AFG1L: variants seen among roughly 807,000 people sequenced by gnomAD.
AFG1L encodes the protein AFG1 like ATPase.
A neutral mutation model predicts 62.2 loss-of-function variants in AFG1L; 53 were observed. The observed-to-expected ratio is 0.85, with a 90% CI of 0.68 to 1.07. The LOEUF is 1.07. Ranked by LOEUF, AFG1L falls within the 50% of genes least tolerant of loss-of-function variation. AFG1L has a pLI of 0.00. For synonymous variants in AFG1L, 228 were observed against 210.3 expected (o/e 1.08, Z -0.73); for missense variants, 555 against 590.5 (o/e 0.94, Z 0.62).
At chr6:108,390,003 T>A (rs1780975614) in intron 6 of AFG1L, among the ~76,000 whole-genome samples, 1 of 152,252 alleles carries the variant, frequency 6.6e-6, no homozygotes, top group African/African-American at 2.4e-5. Context: ...TCCCTTTCAC[T>A]TTCAGGTACA....
At chr6:108,500,149 G>T (rs1009269048) in intron 10 of AFG1L, among the ~76,000 whole-genome samples, 1 of 149,044 alleles carries the variant, frequency 6.7e-6, no homozygotes. Flanking sequence ...TTTTATGGCT[G>T]TGTAGTATTC....
chr6:108,465,316 A>G (rs1772621600), intron 8 of AFG1L, among the ~76,000 whole-genome samples: 1 of 152,218 alleles, frequency 6.6e-6, no homozygotes, highest in South Asian at 2.1e-4. Flanking sequence ...ACTGTTGACT[A>G]CCAGATGTCT....
chr6:108,437,214 G>C (rs889353413), intron 7 of AFG1L, among the ~76,000 whole-genome samples: 1 of 152,168 alleles, frequency 6.6e-6, no homozygotes, highest in Admixed American at 6.5e-5. Context: ...GACCATAGCA[G>C]ATGATAATGA....
At chr6:108,425,903 A>T (rs978224509) in intron 7 of AFG1L, among the ~76,000 whole-genome samples, 1 of 152,198 alleles carries the variant, frequency 6.6e-6, no homozygotes, top group Non-Finnish European at 1.5e-5. Context: ...CAGATCTTTT[A>T]TCAGCGATAA....
At chr6:108,330,182 AT>A (rs71015542) in intron 2 of AFG1L, among the ~76,000 whole-genome samples, 1,702 of 132,490 alleles carry the variant, frequency 0.013, 31 homozygotes, top group African/African-American at 0.044. Flanking sequence ...TTCCTTTTTT[AT>A]TTTTTTTTTT....
chr6:108,449,159 G>GTATATA (rs10603688), intron 8 of AFG1L, among the ~76,000 whole-genome samples: 2 of 145,862 alleles, frequency 1.4e-5, no homozygotes, highest in African/African-American at 5.0e-5. Flanking sequence ...AAAAAAAAAA[G>GTATATA]TATATATATA....
chr6:108,492,601 C>T (rs1773818733), intron 10 of AFG1L, among the ~76,000 whole-genome samples: 2 of 152,142 alleles, frequency 1.3e-5, no homozygotes, highest in South Asian at 4.1e-4. Context: ...AAACTTCCTT[C>T]TGTTTTGAAC....
intron 7 of AFG1L, among the ~76,000 whole-genome samples, chr6:108,419,678 ACAT>A (rs557217303): frequency 9.7e-4 from 147 of 152,270 alleles, no homozygotes; most frequent in African/African-American, 3.5e-3. Context: ...TCAGGTAATG[ACAT>A]CATATCTTTT....
intron 6 of AFG1L, among the ~76,000 whole-genome samples, chr6:108,401,133 ATTTTTT>A (rs1198525387): frequency 8.4e-6 from 1 of 119,640 alleles, no homozygotes; most frequent in Non-Finnish European, 1.7e-5. Context: ...TGCCTGGCTA[ATTTTTT>A]TTTTTTTTTT....
chr6:108,339,695 C>T (rs1054137461), intron 2 of AFG1L, among the ~76,000 whole-genome samples: 2 of 151,998 alleles, frequency 1.3e-5, no homozygotes, highest in Non-Finnish European at 2.9e-5. Flanking sequence ...CCTGACCTCC[C>T]GCCTTGGCCT....
chr6:108,342,184 A>G (rs1310868381), intron 2 of AFG1L, among the ~76,000 whole-genome samples: 1 of 152,114 alleles, frequency 6.6e-6, no homozygotes, highest in Non-Finnish European at 1.5e-5. Context: ...ATCCCTTTCT[A>G]TGCCCTCTGT....
intron 8 of AFG1L, among the ~76,000 whole-genome samples, chr6:108,463,339 A>G (rs1772539735): frequency 6.7e-6 from 1 of 149,354 alleles, no homozygotes; most frequent in African/African-American, 2.5e-5. Flanking sequence ...TCTCTTTCCC[A>G]AGTGGATGTG....
At chr6:108,470,355 C>T (rs1772835286) in intron 8 of AFG1L, among the ~76,000 whole-genome samples, 1 of 152,112 alleles carries the variant, frequency 6.6e-6, no homozygotes, top group African/African-American at 2.4e-5. Context: ...TATAAAGACA[C>T]TGTGTTGTGG....
chr6:108,480,821 AAAAT>A (rs915911351), intron 10 of AFG1L, among the ~76,000 whole-genome samples: 4 of 152,182 alleles, frequency 2.6e-5, no homozygotes, highest in Non-Finnish European at 5.9e-5. Flanking sequence ...AACAACAACA[AAAAT>A]AAATAAAGTG....
intron 10 of AFG1L, among the ~76,000 whole-genome samples, chr6:108,501,776 C>T (rs954562352): frequency 3.9e-5 from 6 of 152,162 alleles, no homozygotes; most frequent in Non-Finnish European, 7.3e-5. Context: ...GGCAATAATA[C>T]AGGCATACCT....
rs1017280684 is a variant in AFG1L, at chr6:108,341,272, T to C, written c.364-5716T>C. On this transcript the variant is annotated intron_variant, in intron 2 of 12. Transcript: ENST00000368977. ...TTAGCATATGGACTATATTTGAAAT[T>C]ATGCTGCTAGTTCTTGAATGTATTC... Among the ~76,000 whole-genome samples the C allele has an allele frequency of 3.9e-5, 6 of 152,256 alleles. 1 individual carries two copies. The East Asian group carries it at 5.8e-4, about 15-fold the overall frequency.
intron 11 of AFG1L, among the ~76,000 whole-genome samples, 194 bp from the exon 12 acceptor site, chr6:108,519,503 T>C (rs551678697): frequency 6.6e-6 from 1 of 152,306 alleles, no homozygotes; most frequent in African/African-American, 2.4e-5. Context: ...TGTGGAAATA[T>C]TCTGAAAAGT....
chr6:108,388,520 A>G (rs1780876695), intron 6 of AFG1L, among the ~76,000 whole-genome samples: 2 of 152,334 alleles, frequency 1.3e-5, no homozygotes, highest in African/African-American at 4.8e-5. Context: ...ATTTAGTGCT[A>G]TAAATTTCCC....
Position 108,346,974 on chromosome 6 carries a change from T to A in AFG1L, c.364-14T>A, listed in dbSNP as rs1421238461. ...TTGCATGGTAGAGATTTATAATTTGTTCTTAATTTGCAGCTTTTTTCAAGG... is the reference window on the plus strand; with the variant it reads ...TTGCATGGTAGAGATTTATAATTTGATCTTAATTTGCAGCTTTTTTCAAGG... On this transcript the variant is annotated splice_polypyrimidine_tract_variant and intron_variant, in intron 2 of 12. Transcript: ENST00000368977. The A allele has an allele frequency of 1.9e-6, 3 of 1,598,952 alleles. No individual in the cohort carries two copies. The East Asian group carries it at 6.7e-5, about 36-fold the overall frequency.
Sources: allele counts gnomAD v4.1 joint callset (sites outside exome capture counted in the v4.1 genomes callset), GRCh38; gene constraint gnomAD v4.1.1; transcripts MANE v1.5; gene names NCBI Gene and HGNC (gene_info 2026-07-23, HGNC 2026-07-21).